USP12: variants seen among roughly 807,000 people sequenced by gnomAD.
The protein encoded by USP12 is ubiquitin specific peptidase 12, also known as ubiquitin carboxyl-terminal hydrolase 12.
USP12 carries 19 observed loss-of-function variants against 45.5 expected under a neutral mutation model. The observed-to-expected ratio is 0.42, with a 90% CI of 0.29 to 0.61. The LOEUF (loss-of-function observed/expected upper bound fraction) is 0.61. Ranked by LOEUF, USP12 falls within the 20% of genes least tolerant of loss-of-function variation. The pLI is 0.22. For synonymous variants in USP12, 149 were observed against 148.8 expected (o/e 1.00, Z -0.01); for missense variants, 242 against 447.7 (o/e 0.54, Z 4.15).
intron 6 of USP12, among the ~76,000 whole-genome samples, chr13:27,082,230 C>A (rs1306333838): frequency 6.6e-6 from 1 of 152,188 alleles, no homozygotes; most frequent in East Asian, 1.9e-4. Flanking sequence ...ACTATTTTAG[C>A]TAGACAATCT....
intron 1 of USP12, among the ~76,000 whole-genome samples, chr13:27,124,675 C>G (rs1876144740): frequency 6.6e-6 from 1 of 152,138 alleles, no homozygotes; most frequent in Admixed American, 6.5e-5. Flanking sequence ...AAGAAAAGTT[C>G]TGGAGGCACA....
intron 8 of USP12, 85 bp downstream of exon 8, chr13:27,070,986 T>A (rs1873223962): frequency 2.7e-6 from 3 of 1,100,002 alleles, no homozygotes; most frequent in Non-Finnish European, 2.7e-6. Flanking sequence ...TCACCAGTCA[T>A]ATATAAATGA....
At chr13:27,153,774 A>G (rs145263898) in intron 1 of USP12, among the ~76,000 whole-genome samples, 104 of 152,196 alleles carry the variant, frequency 6.8e-4, no homozygotes, top group African/African-American at 2.2e-3. Context: ...CCATACACCA[A>G]TATTTACTGG....
chr13:27,116,890 T>C (rs541387593), intron 1 of USP12, among the ~76,000 whole-genome samples: 2 of 152,332 alleles, frequency 1.3e-5, no homozygotes, highest in Admixed American at 6.5e-5. Context: ...AGGTGTGCAG[T>C]AGGCTCTACC....
At position 27,066,833 on chromosome 13, in the gene USP12, G is replaced by A. The variant is rs1343209256; in HGVS notation, c.*2450C>T. The A allele has an allele frequency of 6.6e-6, 1 of 152,052 alleles. No homozygotes were observed. The allele number at this position is 152,052 out of a possible 1,614,324, so 9.4% of individuals were successfully genotyped here. ...ACAGTCAACCAACATACAACCTCAC[G>A]ATGCTTTCTTCATGGGTCACTTTTC... On this transcript the variant is annotated 3_prime_UTR_variant, in exon 9 of 9. Coordinates refer to ENST00000282344, the MANE Select transcript of USP12 (RefSeq NM_182488.4).
At chr13:27,075,739 T>C (rs1873448942) in intron 6 of USP12, among the ~76,000 whole-genome samples, 1 of 151,990 alleles carries the variant, frequency 6.6e-6, no homozygotes, top group African/African-American at 2.4e-5. Context: ...TCAAGAGTGG[T>C]AGAGGGAAGG....
intron 6 of USP12, among the ~76,000 whole-genome samples, chr13:27,089,282 C>T (rs1022491469): frequency 2.0e-5 from 3 of 152,184 alleles, no homozygotes; most frequent in East Asian, 1.9e-4. Flanking sequence ...AGGAAAACGT[C>T]CCTGTTGCTG....
At chr13:27,139,630 A>G (rs1213581748) in intron 1 of USP12, among the ~76,000 whole-genome samples, 1 of 152,180 alleles carries the variant, frequency 6.6e-6, no homozygotes, top group African/African-American at 2.4e-5. Flanking sequence ...AAATAAAAAT[A>G]TAGTCACTCT....
chr13:27,154,861 C>T (rs1040090065), intron 1 of USP12, among the ~76,000 whole-genome samples: 3 of 151,968 alleles, frequency 2.0e-5, no homozygotes, highest in African/African-American at 4.8e-5. Flanking sequence ...AGTCGCCGTC[C>T]GAGGGAGGTA....
intron 3 of USP12, among the ~76,000 whole-genome samples, chr13:27,100,845 C>A (rs1874831528): frequency 6.6e-6 from 1 of 152,228 alleles, no homozygotes; most frequent in Non-Finnish European, 1.5e-5. Flanking sequence ...TTTATAAACA[C>A]TGCTGAGGAC....
chr13:27,115,315 T>C (rs542004549), intron 2 of USP12, among the ~76,000 whole-genome samples: 186 of 152,298 alleles, frequency 1.2e-3, no homozygotes, highest in Non-Finnish European at 1.0e-3. Flanking sequence ...ATGAGTAGCC[T>C]GTTCTGGAGA....
intron 3 of USP12, among the ~76,000 whole-genome samples, chr13:27,102,342 C>T (rs888073940): frequency 2.6e-5 from 4 of 152,208 alleles, no homozygotes; most frequent in African/African-American, 9.7e-5. Flanking sequence ...ACTGCAACAG[C>T]CTCCAGGCTG....
chr13:27,166,918 T>C (rs1878370579), intron 1 of USP12, among the ~76,000 whole-genome samples: 1 of 152,178 alleles, frequency 6.6e-6, no homozygotes, highest in African/African-American at 2.4e-5. Flanking sequence ...ATTAAACTCA[T>C]GTTCATCCTA....
intron 3 of USP12, among the ~76,000 whole-genome samples, chr13:27,099,212 CAG>C (rs1874740433): frequency 6.6e-6 from 1 of 152,152 alleles, no homozygotes; most frequent in African/African-American, 2.4e-5. Flanking sequence ...AGAGAGCACT[CAG>C]GGAAACTTCT....
intron 1 of USP12, among the ~76,000 whole-genome samples, chr13:27,134,284 G>T (rs114341473): frequency 1.3e-5 from 2 of 152,150 alleles, no homozygotes; most frequent in South Asian, 4.1e-4. Context: ...AAAAGAAAGC[G>T]TTTTGATCAA....
At chr13:27,122,117 T>C (rs1565996113) in intron 1 of USP12, among the ~76,000 whole-genome samples, 1 of 149,048 alleles carries the variant, frequency 6.7e-6, no homozygotes, top group Admixed American at 6.7e-5. Flanking sequence ...GACTCAGGAG[T>C]TCAAGACCAA....
chr13:27,158,993 T>C (rs1357777886), intron 1 of USP12, among the ~76,000 whole-genome samples: 1 of 152,190 alleles, frequency 6.6e-6, no homozygotes, highest in Non-Finnish European at 1.5e-5. Context: ...ACAGGTAATG[T>C]CTGGCAATAA....
intron 1 of USP12, among the ~76,000 whole-genome samples, chr13:27,126,010 A>G (rs1876220436): frequency 6.6e-6 from 1 of 152,266 alleles, no homozygotes; most frequent in Non-Finnish European, 1.5e-5. Flanking sequence ...AGCAAGGCCT[A>G]CTGCCTCTCT....
chr13:27,107,525 AACTT>A (rs60579167), intron 2 of USP12, among the ~76,000 whole-genome samples: 7,448 of 152,222 alleles, frequency 0.049, 226 homozygotes, highest in Middle Eastern at 0.058. Context: ...TATCAACATA[AACTT>A]ATAACTCTGA....
Sources: allele counts gnomAD v4.1 joint callset (sites outside exome capture counted in the v4.1 genomes callset), GRCh38; gene constraint gnomAD v4.1.1; transcripts MANE v1.5; gene names NCBI Gene and HGNC (gene_info 2026-07-23, HGNC 2026-07-21).